The following ANKRD36B variants were observed in gnomAD, a reference collection of about 807,000 sequenced individuals.
ANKRD36B encodes the protein ankyrin repeat domain 36B.
In ANKRD36B, 37 loss-of-function variants were observed where a neutral mutation model predicts 135.7. The ratio of observed to expected loss-of-function variants is 0.27; its 90% CI spans 0.21 to 0.36. The LOEUF (loss-of-function observed/expected upper bound fraction) is 0.36. ANKRD36B is among the 10% of genes least tolerant of loss of function. ANKRD36B has a pLI of 1.00. For synonymous variants in ANKRD36B, 179 were observed against 348.1 expected (o/e 0.51, Z 5.41); for missense variants, 549 against 1,037.1 (o/e 0.53, Z 6.46).
In ANKRD36B at chr2:97,574,735, G is replaced by C. The variant is rs543854629; in HGVS notation, c.763+1644C>G. On this transcript the variant is annotated intron_variant, in intron 6 of 43. Coordinates refer to ENST00000359901, the MANE Select transcript of ANKRD36B (RefSeq NM_001393939.1). ...AGACTTTTGTTTCAGAATGCATCCA[G>C]AAGAACTTATCAGGGATTTCAGTAC... 7.8e-4 allele frequency among the ~76,000 whole-genome samples: 118 copies of C among 152,228 alleles called. 1 individual carries two copies. Among genetic ancestry groups the C allele is most frequent in the Admixed American group, 2.1e-3 (32 of 15,272 alleles).
intron 12 of ANKRD36B, among the ~76,000 whole-genome samples, chr2:97,556,010 A>G (rs2080488139): frequency 6.6e-6 from 1 of 151,894 alleles, no homozygotes; most frequent in Non-Finnish European, 1.5e-5. Context: ...AAGCTTTTAC[A>G]TTTGGCTATC....
At chr2:97,553,962 T>G (rs974452326) in intron 14 of ANKRD36B, among the ~76,000 whole-genome samples, 2 of 151,942 alleles carry the variant, frequency 1.3e-5, no homozygotes, top group African/African-American at 4.8e-5. Flanking sequence ...CATATCCATG[T>G]GGTGCAACAA....
rs1246702677 is a variant in ANKRD36B, at chr2:97,589,627, T to C, written c.59A>G (p.His20Arg). 10 of 1,614,064 alleles carry C rather than the reference T, an allele frequency of 6.2e-6. No homozygotes were observed. Among genetic ancestry groups the C allele is most frequent in the Non-Finnish European group, 8.5e-6 (10 of 1,180,026 alleles). Residue 20 changes from histidine to arginine, a missense_variant, in exon 1 of 44, where the codon CAT becomes CGT. Coordinates refer to ENST00000359901, the MANE Select transcript of ANKRD36B (RefSeq NM_001393939.1). ...AFPHYYIKPY[H>R]LKRIHRAVLR... is the part of the protein sequence containing the mutation. ...GACAGCTCTGTGGATCCTCTTCAGA[T>C]GATACGGTTTAATGTAGTAATGGGG...
In ANKRD36B at chr2:97,541,533, G is replaced by A. The variant is rs1407615663; in HGVS notation, c.1885+378C>T. 7.3e-5 allele frequency among the ~76,000 whole-genome samples: 7 copies of A among 95,868 alleles called. 2 individuals carry two copies. The highest frequency in any genetic ancestry group is 2.2e-4 in the African/African-American group (7 of 32,028). The allele number at this position is 95,868 out of a possible 152,430, so 62.9% of individuals were successfully genotyped here. A position where few individuals can be genotyped will look rare whatever the true frequency, so the allele number is the denominator to read the frequency against. On this transcript the variant is annotated intron_variant, in intron 28 of 43. Transcript: ENST00000359901. ...GCTGTTTTTGAGGTATTAGGATGACGTTTCCCTCTGTTTATAACAATATAA... is the reference window on the plus strand; with the variant it reads ...GCTGTTTTTGAGGTATTAGGATGACATTTCCCTCTGTTTATAACAATATAA...
intron 22 of ANKRD36B, chr2:97,547,267 T>C (rs2079555036): frequency 2.8e-6 from 1 of 360,630 alleles, no homozygotes; most frequent in East Asian, 5.8e-5. Flanking sequence ...AGCAAAATTA[T>C]GTTGTTCCCC....
intron 20 of ANKRD36B, among the ~76,000 whole-genome samples, chr2:97,548,985 G>T (rs893949670): frequency 1.3e-5 from 2 of 151,908 alleles, no homozygotes; most frequent in African/African-American, 4.8e-5. Context: ...CTACACCAGG[G>T]GTCTCCTTAG....
rs2309265 is a variant in ANKRD36B, at chr2:97,589,643, A to G, written c.43T>C (p.Tyr15His). The G allele has an allele frequency of 1.9e-6, 3 of 1,613,958 alleles. No homozygotes were observed. Among genetic ancestry groups the G allele is most frequent in the African/African-American group, 1.3e-5 (1 of 74,912 alleles). Residue 15 changes from tyrosine to histidine, a missense_variant, in exon 1 of 44, where the codon TAC becomes CAC. By Grantham distance (83) the Tyr-to-His change is moderately conservative. Transcript: ENST00000359901. ...CSDGFAFPHY[Y>H]IKPYHLKRIH... ...CTCTTCAGATGATACGGTTTAATGT[A>G]GTAATGGGGAAATGCGAAGCCATCC...
Position 97,540,497 on chromosome 2 carries a change from G to A in ANKRD36B, c.1886-268C>T, listed in dbSNP as rs1403150045. ...AAAATAAAACCGTGTCAATATCAACGTGGATATGCTGAGTGATGAGGACAA... is the reference window on the plus strand; with the variant it reads ...AAAATAAAACCGTGTCAATATCAACATGGATATGCTGAGTGATGAGGACAA... On this transcript the variant is annotated intron_variant, in intron 28 of 43. Transcript: ENST00000359901. 7.3e-5 allele frequency among the ~76,000 whole-genome samples: 7 copies of A among 96,482 alleles called. 1 individual carries two copies. The highest frequency in any genetic ancestry group is 2.2e-4 in the African/African-American group (7 of 32,296). The allele number at this position is 96,482 out of a possible 152,430, so 63.3% of individuals were successfully genotyped here.
chr2:97,589,860 A>C lies in ANKRD36B; in HGVS notation c.-175T>G. Reference sequence around the variant, plus strand: ...CTCTCAGCGCCTCCCGCCTCTCCGCAGAAACGCCCAACAGAAGGGTTAGAA... The same window carrying C: ...CTCTCAGCGCCTCCCGCCTCTCCGCCGAAACGCCCAACAGAAGGGTTAGAA... On this transcript the variant is annotated 5_prime_UTR_variant, in exon 1 of 44. Transcript: ENST00000359901. The C allele has an allele frequency of 1.1e-6, 1 of 888,076 alleles. No individual in the cohort carries two copies. Among genetic ancestry groups the C allele is most frequent in the Non-Finnish European group, 1.7e-6 (1 of 580,572 alleles). The allele number at this position is 888,076 out of a possible 1,614,324, so 55.0% of individuals were successfully genotyped here. A position where few individuals can be genotyped will look rare whatever the true frequency, so the allele number is the denominator to read the frequency against.
intron 6 of ANKRD36B, among the ~76,000 whole-genome samples, chr2:97,561,462 C>G (rs1394203190): frequency 6.6e-6 from 1 of 151,868 alleles, no homozygotes; most frequent in Non-Finnish European, 1.5e-5. Context: ...AATAATGTGC[C>G]TACATCTCTT....
At chr2:97,564,785 A>G (rs1354694477) in intron 6 of ANKRD36B, among the ~76,000 whole-genome samples, 1 of 152,108 alleles carries the variant, frequency 6.6e-6, no homozygotes, top group Non-Finnish European at 1.5e-5. Context: ...GCCTTGTAGT[A>G]TAGTTTGAAT....
chr2:97,552,300 A>G (rs2080138650), intron 16 of ANKRD36B, among the ~76,000 whole-genome samples: 2 of 151,106 alleles, frequency 1.3e-5, no homozygotes, highest in South Asian at 2.1e-4. Flanking sequence ...GGAGTTAGTT[A>G]GAATTCAACA....
At chr2:97,574,228 G>A (rs1170890802) in intron 6 of ANKRD36B, among the ~76,000 whole-genome samples, 2 of 152,114 alleles carry the variant, frequency 1.3e-5, no homozygotes, top group East Asian at 3.8e-4. Context: ...AGTGGGCAAA[G>A]GATATGAACA....
chr2:97,554,649 G>A (rs541214037), intron 14 of ANKRD36B, among the ~76,000 whole-genome samples: 9 of 151,946 alleles, frequency 5.9e-5, no homozygotes, highest in East Asian at 2.0e-4. Flanking sequence ...GTTAGTTCTC[G>A]TTCTACAATT....
intron 6 of ANKRD36B, among the ~76,000 whole-genome samples, chr2:97,566,290 C>T (rs2081425600): frequency 6.6e-6 from 1 of 151,978 alleles, no homozygotes; most frequent in African/African-American, 2.4e-5. Context: ...CATTCCACTC[C>T]AGCCTGGGTG....
chr2:97,545,994 G>A (rs2079425734), intron 22 of ANKRD36B, 133 bp from the exon 23 acceptor site: 2 of 875,000 alleles, frequency 2.3e-6, no homozygotes, highest in South Asian at 1.3e-5. Flanking sequence ...TCTACTTTGT[G>A]TCTGGGGACA....
At chr2:97,576,699 T>C (rs2082258421) in intron 5 of ANKRD36B, among the ~76,000 whole-genome samples, 1 of 151,290 alleles carries the variant, frequency 6.6e-6, no homozygotes, top group South Asian at 2.1e-4. Context: ...GAAAGTCACC[T>C]TCCTGGCTCT....
In ANKRD36B at chr2:97,524,913, A is replaced by AT. The variant is rs1391169063; in HGVS notation, c.2266-1447dup. On this transcript the variant is annotated intron_variant, in intron 35 of 43. Transcript: ENST00000359901. ...TTTTTCACTACTAGTTGTTGAGACA[A>AT]TTTTTGCACATGCAAAAGTGGAAGA... 2.1e-5 allele frequency: 2 copies of AT among 97,366 alleles called. 1 individual carries two copies. Among genetic ancestry groups the AT allele is most frequent in the African/African-American group, 6.2e-5 (2 of 32,516 alleles). The allele number at this position is 97,366 out of a possible 1,614,324, so 6.0% of individuals were successfully genotyped here.
At position 97,511,810 on chromosome 2, in the gene ANKRD36B, A is replaced by C. The variant is rs1385607408; in HGVS notation, c.3048T>G (p.Asp1016Glu). 6 of 871,282 alleles carry C rather than the reference A, an allele frequency of 6.9e-6. No individual in the cohort carries two copies. Among genetic ancestry groups the C allele is most frequent in the South Asian group, 6.6e-5 (5 of 76,170 alleles). 54.0% of individuals were successfully genotyped at this position (871,282 alleles called of 1,614,324 possible). A position where few individuals can be genotyped will look rare whatever the true frequency, so the allele number is the denominator to read the frequency against. The change falls in exon 39 of 44, where the codon GAT becomes GAG. Residue 1016 changes from aspartate to glutamate, a missense_variant. Physicochemically the swap from Asp to Glu is conservative, Grantham distance 45. Coordinates refer to ENST00000359901, the MANE Select transcript of ANKRD36B (RefSeq NM_001393939.1). ...GTTTGGAACGGAGCGTTGTGTTTTC[A>C]TCTGTCAGAGCAGCAAGCTGTCCAC... is the stretch of plus-strand genomic sequence containing the variant. ...CYSGQLAALT[D>E]ENTTLRSKLE...
Sources: gnomAD v4.1 joint callset for allele counts (sites outside exome capture counted in the v4.1 genomes callset) on GRCh38, gnomAD v4.1.1 for gene constraint, MANE v1.5 for transcripts, NCBI Gene and HGNC (gene_info 2026-07-23, HGNC 2026-07-21) for gene names.